The following GCH1 variants were observed in gnomAD, a reference collection of about 807,000 sequenced individuals.
The protein encoded by GCH1 is GTP cyclohydrolase I.
In GCH1, 5 loss-of-function variants were observed where a neutral mutation model predicts 25.9. The ratio of observed to expected loss-of-function variants is 0.19; its 90% CI spans 0.10 to 0.41. GCH1 has a LOEUF of 0.41. GCH1 is among the 10% of genes least tolerant of loss of function. The probability of loss-of-function intolerance (pLI) is 1.00; values close to 1 mark genes in which losing one functional copy is unlikely to be tolerated. For synonymous variants in GCH1, 159 were observed against 129.6 expected, an observed-to-expected ratio of 1.23 and a Z score of -1.54; for missense variants, 261 against 336.5, an observed-to-expected ratio of 0.78 and a Z score of 1.75.
chr14:54,855,420 C>T (rs1202466198), intron 3 of GCH1, among the ~76,000 whole-genome samples: 3 of 147,980 alleles, frequency 2.0e-5, no homozygotes, highest in Non-Finnish European at 4.4e-5. Context: ...GCAGGAGAAT[C>T]GCTTGAACCC....
intron 2 of GCH1, among the ~76,000 whole-genome samples, chr14:54,860,774 T>C (rs1260634839): frequency 6.6e-6 from 1 of 152,004 alleles, no homozygotes; most frequent in Non-Finnish European, 1.5e-5. Flanking sequence ...CTCCTGACCT[T>C]GTGATCTGCC....
In GCH1 at chr14:54,843,647, G is replaced by A; in HGVS notation, c.*370C>T. On this transcript the variant is annotated 3_prime_UTR_variant, in exon 6 of 6. Coordinates refer to ENST00000491895, the MANE Select transcript of GCH1 (RefSeq NM_000161.3). ...AGGAAGAAAAAAAACAGTATACTGG[G>A]CACAGTTCCCTCTCATTCCCAATGC... The A allele has an allele frequency of 1.3e-6, 2 of 1,549,144 alleles. No homozygotes were observed. Among genetic ancestry groups the A allele is most frequent in the East Asian group, 2.3e-5 (1 of 43,826 alleles).
At chr14:54,885,066 A>G (rs2040332023) in intron 1 of GCH1, 2 of 309,974 alleles carry the variant, frequency 6.5e-6, no homozygotes, top group African/African-American at 2.2e-5. Flanking sequence ...ACACTGAACC[A>G]CCAGTCAGCT....
Position 54,880,448 on chromosome 14 carries a change from CATATAAATATATACTCCAT to C in GCH1, c.344-15031_344-15013del, listed in dbSNP as rs1399487628. Among the ~76,000 whole-genome samples, 408 of 109,620 alleles carry C rather than the reference CATATAAATATATACTCCAT, an allele frequency of 3.7e-3. 54 individuals are homozygous for C. The highest frequency in any genetic ancestry group is 0.016 in the African/African-American group (397 of 25,084). The allele number at this position is 109,620 out of a possible 152,430, so 71.9% of individuals were successfully genotyped here. A position where few individuals can be genotyped will look rare whatever the true frequency, so the allele number is the denominator to read the frequency against. ...ATATACTCCATATATATATATACTC[CATATAAATATATACTCCAT>C]ATATATATATACACTCCATATATAT... is the stretch of plus-strand genomic sequence containing the variant. On this transcript the variant is annotated intron_variant, in intron 1 of 5. Coordinates refer to ENST00000491895, the MANE Select transcript of GCH1 (RefSeq NM_000161.3).
At chr14:54,861,583 C>T (rs189990596) in intron 2 of GCH1, among the ~76,000 whole-genome samples, 6 of 151,874 alleles carry the variant, frequency 4.0e-5, no homozygotes, top group Admixed American at 3.9e-4. Flanking sequence ...ATTAGCCAGG[C>T]GTGGTGGCGG....
intron 1 of GCH1, among the ~76,000 whole-genome samples, chr14:54,883,624 A>C (rs150557621): frequency 2.4e-4 from 37 of 152,248 alleles, no homozygotes; most frequent in African/African-American, 8.2e-4. Context: ...GCTTGCAGTG[A>C]GCCGAGATCA....
At chr14:54,862,049 G>T in intron 2 of GCH1, among the ~76,000 whole-genome samples, 1 of 152,066 alleles carries the variant, frequency 6.6e-6, no homozygotes, top group East Asian at 1.9e-4. Context: ...TCTTTTTAGA[G>T]ACAAGGTCTT....
chr14:54,863,111 C>T (rs1170950653), intron 2 of GCH1, among the ~76,000 whole-genome samples: 1 of 151,880 alleles, frequency 6.6e-6, no homozygotes, highest in Non-Finnish European at 1.5e-5. Flanking sequence ...GATAGTGCTG[C>T]TGTGGATAAG....
intron 1 of GCH1, among the ~76,000 whole-genome samples, chr14:54,890,342 A>G (rs1199349918): frequency 6.6e-6 from 1 of 152,226 alleles, no homozygotes; most frequent in Non-Finnish European, 1.5e-5. Context: ...TATTAAAAAC[A>G]CAAAATTAGC....
At chr14:54,884,544 C>T (rs756218194) in intron 1 of GCH1, among the ~76,000 whole-genome samples, 2 of 151,890 alleles carry the variant, frequency 1.3e-5, no homozygotes, top group Non-Finnish European at 1.5e-5. Context: ...CCAAGGCAGG[C>T]GTATCATTTG....
Position 54,880,186 on chromosome 14 carries a change from C to T in GCH1, c.344-14750G>A, listed in dbSNP as rs556185135. Among the ~76,000 whole-genome samples the T allele has an allele frequency of 6.0e-5, 9 of 149,902 alleles. No homozygotes were observed. The East Asian group carries it at 1.6e-3, about 26-fold the overall frequency. On this transcript the variant is annotated intron_variant, in intron 1 of 5. Transcript: ENST00000491895. ...GGACCAAATTCAGTATAGTGGTTAC[C>T]TCTGTAGTGAGATGATAACTGGATC... is the stretch of plus-strand genomic sequence containing the variant.
At chr14:54,865,237 T>G (rs141101375) in intron 2 of GCH1, 90 bp downstream of exon 2, 2 of 681,498 alleles carry the variant, frequency 2.9e-6, no homozygotes, top group Non-Finnish European at 5.3e-6. Flanking sequence ...ATATCAGCAA[T>G]TGGCAGCTAA....
At chr14:54,885,860 T>C in intron 1 of GCH1, 1 of 179,426 alleles carries the variant, frequency 5.6e-6, no homozygotes. Context: ...CTGCACTCCA[T>C]CCTGGGCGGC....
chr14:54,864,295 ACTTTAACTTTAGTTG>A (rs1416499770), intron 2 of GCH1, among the ~76,000 whole-genome samples: 1 of 152,238 alleles, frequency 6.6e-6, no homozygotes. Context: ...AAATGTTAAC[ACTTTAACTTTAGTTG>A]ATGGGTATAT....
chr14:54,863,339 G>A (rs1424019373), intron 2 of GCH1, among the ~76,000 whole-genome samples: 5 of 148,008 alleles, frequency 3.4e-5, no homozygotes, highest in East Asian at 2.0e-4. Context: ...AGAGAATGGC[G>A]TGAACCCGGG....
chr14:54,872,766 G>A (rs1444826714), intron 1 of GCH1, among the ~76,000 whole-genome samples: 1 of 152,078 alleles, frequency 6.6e-6, no homozygotes, highest in Non-Finnish European at 1.5e-5. Context: ...ATTACATAAT[G>A]GTAAAGGGAT....
At chr14:54,866,837 C>T (rs1304938773) in intron 1 of GCH1, among the ~76,000 whole-genome samples, 1 of 152,146 alleles carries the variant, frequency 6.6e-6, no homozygotes, top group African/African-American at 2.4e-5. Context: ...GAAAGGCGAA[C>T]ATGGCAGGGT....
chr14:54,875,800 C>T lies in GCH1; in HGVS notation c.344-10364G>A, dbSNP rs553256360. On this transcript the variant is annotated intron_variant, in intron 1 of 5. Coordinates refer to ENST00000491895, the MANE Select transcript of GCH1 (RefSeq NM_000161.3). ...TGCAAATCAAAACCACAATGAGATA[C>T]CATCTTACACCAGTTAGAATGGCGA... Among the ~76,000 whole-genome samples the T allele has an allele frequency of 1.3e-3, 197 of 152,282 alleles. No individual in the cohort carries two copies. The Middle Eastern group carries it at 0.02, about 16-fold the overall frequency.
At chr14:54,877,101 T>C (rs2040172915) in intron 1 of GCH1, among the ~76,000 whole-genome samples, 1 of 152,254 alleles carries the variant, frequency 6.6e-6, no homozygotes, top group African/African-American at 2.4e-5. Flanking sequence ...TTTTCTTCAG[T>C]AATAAAGTTT....
Sources: allele counts gnomAD v4.1 joint callset (sites outside exome capture counted in the v4.1 genomes callset), GRCh38; gene constraint gnomAD v4.1.1; transcripts MANE v1.5; gene names NCBI Gene and HGNC (gene_info 2026-07-23, HGNC 2026-07-21).